The following DARS1 variants were observed in gnomAD, a reference collection of about 807,000 sequenced individuals.
DARS1 encodes aspartyl-tRNA synthetase 1, also known as aspartate--tRNA ligase, cytoplasmic.
DARS1 carries 51 observed loss-of-function variants against 68.8 expected under a neutral mutation model. That is an observed-to-expected ratio of 0.74 (90% confidence interval 0.59 to 0.94). The LOEUF (loss-of-function observed/expected upper bound fraction) is 0.94, where lower values mean the gene tolerates loss of function less well. DARS1 is among the 40% of genes least tolerant of loss of function. The pLI is 0.00. For missense variants in DARS1, 607 were observed against 597.3 expected (o/e 1.02, Z -0.17); for synonymous variants, 203 against 190.4 (o/e 1.07, Z -0.55).
intron 5 of DARS1, among the ~76,000 whole-genome samples, chr2:135,942,952 T>C (rs778772953): frequency 6.6e-6 from 1 of 152,060 alleles, no homozygotes; most frequent in Non-Finnish European, 1.5e-5. Context: ...CTTTGACGAG[T>C]GGAATATTTA....
chr2:135,907,261 T>TTTTTTTTTTTTGG lies in DARS1; in HGVS notation c.*54_*55insCCAAAAAAAAAAA. 3 of 889,232 alleles carry TTTTTTTTTTTTGG rather than the reference T, an allele frequency of 3.4e-6. No individual in the cohort carries two copies. Among genetic ancestry groups the TTTTTTTTTTTTGG allele is most frequent in the Non-Finnish European group, 5.0e-6 (3 of 601,874 alleles). 55.1% of individuals were successfully genotyped at this position (889,232 alleles called of 1,614,324 possible). On this transcript the variant is annotated 3_prime_UTR_variant, in exon 16 of 16. Coordinates refer to ENST00000264161, the MANE Select transcript of DARS1 (RefSeq NM_001349.4). ...GGCTTTCTTTTTTTTTTTTTTTTTT[T>TTTTTTTTTTTTGG]GAGGCAGGGTCTCGCTCTGTCATCC...
intron 5 of DARS1, among the ~76,000 whole-genome samples, chr2:135,938,281 G>A (rs1489496966): frequency 1.3e-5 from 2 of 152,058 alleles, no homozygotes; most frequent in East Asian, 3.8e-4. Flanking sequence ...TGATCAAATT[G>A]GCTACTGAAG....
At chr2:135,910,437 A>C (rs1680872277) in intron 15 of DARS1, among the ~76,000 whole-genome samples, 1 of 152,000 alleles carries the variant, frequency 6.6e-6, no homozygotes, top group South Asian at 2.1e-4. Flanking sequence ...ATTTTTTCAT[A>C]TACCTATTGG....
At chr2:135,932,243 C>A (rs1215574522) in intron 7 of DARS1, among the ~76,000 whole-genome samples, 2 of 152,094 alleles carry the variant, frequency 1.3e-5, no homozygotes, top group African/African-American at 2.4e-5. Context: ...GGTTTTACTA[C>A]AACAATGATG....
chr2:135,941,291 T>C (rs1356438004), intron 5 of DARS1, among the ~76,000 whole-genome samples: 1 of 152,204 alleles, frequency 6.6e-6, no homozygotes, highest in Non-Finnish European at 1.5e-5. Flanking sequence ...CAAAACAGCA[T>C]GGTACTGGTA....
Position 135,983,520 on chromosome 2 carries a change from ATAC to A in DARS1, c.67-69_67-67del, listed in dbSNP as rs1369765266. Reference sequence around the variant, plus strand: ...CACTAAGAGCACAGTAAACACATAAATACTAATAATAGAATATAAAAATGAATT... The same window carrying A: ...CACTAAGAGCACAGTAAACACATAAATAATAATAGAATATAAAAATGAATT... On this transcript the variant is annotated intron_variant, in intron 1 of 15. Transcript: ENST00000264161. 4.0e-5 allele frequency: 26 copies of A among 644,902 alleles called. No homozygotes were observed. The Middle Eastern group carries it at 1.2e-3, about 29-fold the overall frequency. 39.9% of individuals were successfully genotyped at this position (644,902 alleles called of 1,614,324 possible).
chr2:135,938,873 A>T (rs1681531354), intron 5 of DARS1, among the ~76,000 whole-genome samples: 1 of 152,232 alleles, frequency 6.6e-6, no homozygotes, highest in African/African-American at 2.4e-5. Flanking sequence ...AGTCTCTGAT[A>T]AAACAGACTT....
In DARS1 at chr2:135,970,007, C is replaced by G. The variant is rs115651129; in HGVS notation, c.218-8509G>C. ...CATATCTAAACACAGGTATTTTCTT[C>G]TTAAGGGAACAGCACAGTCTTCTTG... On this transcript the variant is annotated intron_variant, in intron 3 of 15. Transcript: ENST00000264161. Among the ~76,000 whole-genome samples, 1,313 of 152,248 alleles carry G rather than the reference C, an allele frequency of 8.6e-3. 16 individuals are homozygous for G. Among genetic ancestry groups the G allele is most frequent in the African/African-American group, 0.028 (1,159 of 41,532 alleles).
chr2:135,935,773 T>G (rs1245867314), intron 5 of DARS1, among the ~76,000 whole-genome samples: 1 of 152,200 alleles, frequency 6.6e-6, no homozygotes, highest in Non-Finnish European at 1.5e-5. Flanking sequence ...CCAAACTATG[T>G]CTGGAAAACC....
rs756361770 is a variant in DARS1, at chr2:135,932,839, C to T, written c.508G>A (p.Gly170Arg). 39 of 1,208,172 alleles carry T rather than the reference C, an allele frequency of 3.2e-5. No individual in the cohort carries two copies. The African/African-American group carries it at 6.8e-4, about 21-fold the overall frequency. 74.8% of individuals were successfully genotyped at this position (1,208,172 alleles called of 1,614,324 possible). A position where few individuals can be genotyped will look rare whatever the true frequency, so the allele number is the denominator to read the frequency against. The change falls in exon 7 of 16, where the codon GGA (glycine) becomes AGA (arginine). Residue 170 changes from glycine (G) to arginine (R), a missense_variant. Coordinates refer to ENST00000264161, the MANE Select transcript of DARS1 (RefSeq NM_001349.4). ...GTATCCTGGTTAACAGTAGCTCTTCCTTCCTAAAAAAAAAAAAAAAGAAAA... is the reference window on the plus strand; with the variant it reads ...GTATCCTGGTTAACAGTAGCTCTTCTTTCCTAAAAAAAAAAAAAAAGAAAA... ...VRPEAEGEEEGRATVNQDTRL... is the reference protein window; with the variant it reads ...VRPEAEGEEERRATVNQDTRL...
intron 3 of DARS1, among the ~76,000 whole-genome samples, chr2:135,975,614 T>C (rs930317230): frequency 7.2e-5 from 11 of 151,824 alleles, no homozygotes; most frequent in African/African-American, 2.7e-4. Context: ...GCCAACATGG[T>C]GAGACCCTTG....
chr2:135,965,837 T>C (rs1276247265), intron 3 of DARS1, among the ~76,000 whole-genome samples: 2 of 152,218 alleles, frequency 1.3e-5, no homozygotes, highest in Non-Finnish European at 2.9e-5. Flanking sequence ...GATGGTCCAC[T>C]TAAAATGATT....
At chr2:135,972,614 T>C (rs1202179666) in intron 3 of DARS1, among the ~76,000 whole-genome samples, 1 of 151,968 alleles carries the variant, frequency 6.6e-6, no homozygotes, top group Non-Finnish European at 1.5e-5. Context: ...ACAGTAAAGG[T>C]AACAATCAAC....
intron 7 of DARS1, among the ~76,000 whole-genome samples, chr2:135,926,393 T>C (rs193028217): frequency 2.4e-3 from 360 of 152,298 alleles, no homozygotes; most frequent in Admixed American, 6.6e-3. Context: ...GATTTTTTTC[T>C]CATTAGTTTC....
intron 2 of DARS1, among the ~76,000 whole-genome samples, chr2:135,981,595 T>C (rs1682633354): frequency 6.6e-6 from 1 of 152,062 alleles, no homozygotes; most frequent in African/African-American, 2.4e-5. Context: ...CTCAAGCATT[T>C]TGGCTAAGGG....
chr2:135,914,642 CTCTTT>C lies in DARS1; in HGVS notation c.1107-136_1107-132del, dbSNP rs896203248. The C allele has an allele frequency of 2.3e-5, 16 of 701,170 alleles. No individual in the cohort carries two copies. In the African/African-American group the frequency reaches 2.3e-4, roughly 10 times the overall value. The allele number at this position is 701,170 out of a possible 1,614,324, so 43.4% of individuals were successfully genotyped here. A position where few individuals can be genotyped will look rare whatever the true frequency, so the allele number is the denominator to read the frequency against. On this transcript the variant is annotated intron_variant, in intron 11 of 15. Transcript: ENST00000264161. ...CCAGAACACGCAGTTGTCTATTCTG[CTCTTT>C]TCTTAAAAGGCAAGTACTACTGAAA...
intron 7 of DARS1, among the ~76,000 whole-genome samples, chr2:135,926,273 C>T (rs1235987370): frequency 6.6e-6 from 1 of 152,190 alleles, no homozygotes; most frequent in Non-Finnish European, 1.5e-5. Flanking sequence ...ATAGAAATTT[C>T]ACCATTATGT....
chr2:135,947,771 C>T (rs887382990), intron 4 of DARS1, among the ~76,000 whole-genome samples: 3 of 150,310 alleles, frequency 2.0e-5, no homozygotes, highest in Non-Finnish European at 4.4e-5. Context: ...TGAAATAATA[C>T]ATTTTCATTC....
chr2:135,958,398 AT>A (rs761608466), intron 4 of DARS1, among the ~76,000 whole-genome samples: 6 of 152,162 alleles, frequency 3.9e-5, no homozygotes, highest in Non-Finnish European at 8.8e-5. Flanking sequence ...GCGCATACCC[AT>A]TTTATGCGCT....
Sources: gnomAD v4.1 joint callset for allele counts (sites outside exome capture counted in the v4.1 genomes callset) on GRCh38, gnomAD v4.1.1 for gene constraint, MANE v1.5 for transcripts, NCBI Gene and HGNC (gene_info 2026-07-23, HGNC 2026-07-21) for gene names.